TNFRSF14: variants seen among roughly 807,000 people sequenced by gnomAD.
TNFRSF14 encodes the protein TNF receptor superfamily member 14, also known as tumor necrosis factor receptor superfamily member 14.
TNFRSF14 carries 18 observed loss-of-function variants against 34.1 expected under a neutral mutation model. The observed-to-expected ratio is 0.53, with a 90% confidence interval of 0.36 to 0.78. The LOEUF (loss-of-function observed/expected upper bound fraction) is 0.78, where lower values mean the gene tolerates loss of function less well. Ranked by LOEUF, TNFRSF14 falls within the 30% of genes least tolerant of loss-of-function variation. The probability of loss-of-function intolerance (pLI) is 0.00; values close to 1 mark genes in which losing one functional copy is unlikely to be tolerated. For synonymous variants in TNFRSF14, 157 were observed against 153.2 expected, an observed-to-expected ratio of 1.02 and a Z score of -0.18; for missense variants, 352 against 379.5, an observed-to-expected ratio of 0.93 and a Z score of 0.60.
intron 2 of TNFRSF14, among the ~76,000 whole-genome samples, chr1:2,558,115 G>A (rs540168371): frequency 6.6e-6 from 1 of 152,298 alleles, no homozygotes; most frequent in African/African-American, 2.4e-5. Context: ...TACCAGAGCC[G>A]GGCCAGGTGT....
At chr1:2,557,312 G>T (rs576313879) in intron 1 of TNFRSF14, among the ~76,000 whole-genome samples, 6 of 152,338 alleles carry the variant, frequency 3.9e-5, no homozygotes, top group African/African-American at 1.4e-4. Context: ...GTCACCCACT[G>T]TCTGGCTTGT....
At chr1:2,562,330 G>A (rs57412298) in intron 6 of TNFRSF14, 2 of 212,530 alleles carry the variant, frequency 9.4e-6, no homozygotes, top group African/African-American at 4.7e-5. Flanking sequence ...GTGGCCCTGG[G>A]AGCCCTGTGC....
intron 1 of TNFRSF14, chr1:2,556,982 C>T (rs187950741): frequency 8.9e-5 from 41 of 460,446 alleles, no homozygotes; most frequent in Non-Finnish European, 1.3e-4. Flanking sequence ...CTCACCACTC[C>T]GTCCACGGGC....
At position 2,559,088 on chromosome 1, in the gene TNFRSF14, T is replaced by C. The variant is rs1382532251; in HGVS notation, c.304+620T>C. The C allele has an allele frequency of 7.3e-6, 10 of 1,368,500 alleles. No homozygotes were observed. The East Asian group carries it at 3.1e-4, about 42-fold the overall frequency. The allele number at this position is 1,368,500 out of a possible 1,614,324, so 84.8% of individuals were successfully genotyped here. On this transcript the variant is annotated intron_variant, in intron 3 of 7. Transcript: ENST00000355716. ...AGTGCTCCCTGCGGCCAGGCAGGAC[T>C]GCACCTGCGGGACAGGGCTGACGGC...
chr1:2,557,166 G>T, intron 1 of TNFRSF14: 1 of 213,748 alleles, frequency 4.7e-6, no homozygotes, highest in Admixed American at 5.4e-5. Context: ...GGTGGGGTGG[G>T]GATACTCTCC....
At chr1:2,557,089 C>T (rs1644226922) in intron 1 of TNFRSF14, 2 of 317,994 alleles carry the variant, frequency 6.3e-6, no homozygotes, top group Non-Finnish European at 1.2e-5. Context: ...TGACCCAACT[C>T]CCCGGCAGCC....
intron 1 of TNFRSF14, 156 bp downstream of exon 1, chr1:2,556,889 C>G (rs1009964346): frequency 1.4e-6 from 1 of 717,722 alleles, no homozygotes; most frequent in Non-Finnish European, 2.3e-6. Context: ...CAACCCAGAC[C>G]CCCAGCACTG....
upstream of TNFRSF14, chr1:2,555,230 T>G (rs906230215): frequency 6.6e-6 from 1 of 152,290 alleles, no homozygotes; most frequent in Non-Finnish European, 1.5e-5. This position sits in a 1 kb window ranked among gnomAD's most constrained non-coding sequence, Gnocchi z 6.3. Flanking sequence ...GGAGTGCACC[T>G]GCCTCTGGAG....
At chr1:2,562,990 C>T in intron 7 of TNFRSF14, 94 bp downstream of exon 7, 2 of 1,517,822 alleles carry the variant, frequency 1.3e-6, no homozygotes, top group East Asian at 4.8e-5. Flanking sequence ...ATGGTGGGGG[C>T]TCCCAGTTCT....
chr1:2,557,635 G>T, intron 1 of TNFRSF14, 91 bp from the exon 2 acceptor site: 1 of 988,892 alleles, frequency 1.0e-6, no homozygotes, highest in Non-Finnish European at 1.5e-6. Context: ...CCTCCCCATT[G>T]CACAGAGGGA....
intron 7 of TNFRSF14, 107 bp from the exon 8 acceptor site, chr1:2,563,041 A>G: frequency 3.8e-6 from 6 of 1,581,614 alleles, no homozygotes; most frequent in Non-Finnish European, 5.2e-6. Flanking sequence ...ACGGTAGCTC[A>G]GGAAAGAACC....
chr1:2,556,344 T>A, upstream of TNFRSF14: 1 of 624,302 alleles, frequency 1.6e-6, no homozygotes, highest in Non-Finnish European at 3.0e-6. Context: ...GGGGGAGAAC[T>A]CGCCCCTCCC....
intron 6 of TNFRSF14, chr1:2,562,612 G>A (rs950022923): frequency 5.3e-5 from 32 of 605,652 alleles, no homozygotes; most frequent in Non-Finnish European, 8.8e-5. Context: ...ATGCACTTGG[G>A]GGCCTCAGCT....
At chr1:2,556,854 C>T in intron 1 of TNFRSF14, 121 bp downstream of exon 1, 1 of 1,029,366 alleles carries the variant, frequency 9.7e-7, no homozygotes, top group South Asian at 1.7e-5. Context: ...TCCAGCCCGT[C>T]CCCTGCTGCC....
chr1:2,556,846 C>T, intron 1 of TNFRSF14, 113 bp downstream of exon 1: 1 of 1,128,748 alleles, frequency 8.9e-7, no homozygotes. Flanking sequence ...CTCCGGCGTC[C>T]AGCCCGTCCC....
At chr1:2,558,565 G>T in intron 3 of TNFRSF14, 97 bp downstream of exon 3, 1 of 1,573,186 alleles carries the variant, frequency 6.4e-7, no homozygotes, top group Non-Finnish European at 8.6e-7. Flanking sequence ...CCCCAGGAAG[G>T]CCCCGGCTGC....
rs751804371 is a variant in TNFRSF14 at position 2,559,042 on chromosome 1, C to T, written c.304+574C>T. ...CAACGGCTCTGTCCCCTTGGAGCCT[C>T]ATGCCAGGCTCAGCATGGCCAGTGC... On this transcript the variant is annotated intron_variant, in intron 3 of 7. Coordinates refer to ENST00000355716, the MANE Select transcript of TNFRSF14 (RefSeq NM_003820.4). The T allele has an allele frequency of 3.6e-5, 49 of 1,369,276 alleles. No individual in the cohort carries two copies. The African/African-American group carries it at 6.9e-4, about 19-fold the overall frequency. The allele number at this position is 1,369,276 out of a possible 1,614,324, so 84.8% of individuals were successfully genotyped here. A position where few individuals can be genotyped will look rare whatever the true frequency, so the allele number is the denominator to read the frequency against.
chr1:2,562,372 G>A, intron 6 of TNFRSF14: 1 of 227,062 alleles, frequency 4.4e-6, no homozygotes, highest in Non-Finnish European at 8.8e-6. Context: ...TCTAAGCATT[G>A]AGGTCTGAAG....
chr1:2,556,286 G>C (rs988686671), upstream of TNFRSF14: 29 of 560,292 alleles, frequency 5.2e-5, no homozygotes, highest in Admixed American at 6.0e-4. Flanking sequence ...ATGGACTTTG[G>C]GGGGCTCCCC....
Sources: gnomAD v4.1 joint callset for allele counts (sites outside exome capture counted in the v4.1 genomes callset) on GRCh38, gnomAD v4.1.1 for gene constraint, Gnocchi (gnomAD v3.1) non-coding constraint, MANE v1.5 for transcripts, NCBI Gene and HGNC (gene_info 2026-07-23, HGNC 2026-07-21) for gene names.